The following OXR1 variants were observed in gnomAD, a reference collection of about 807,000 sequenced individuals.
The protein encoded by OXR1 is oxidation resistance protein 1.
In OXR1, 41 loss-of-function variants were observed where a neutral mutation model predicts 104.6. The ratio of observed to expected loss-of-function variants is 0.39; its 90% confidence interval spans 0.31 to 0.51. The LOEUF (loss-of-function observed/expected upper bound fraction) is 0.51. OXR1 is among the 20% of genes least tolerant of loss of function. OXR1 has a pLI of 0.77. For missense variants in OXR1, 955 were observed against 1,031.9 expected (o/e 0.93, Z 1.02); for synonymous variants, 348 against 348.4 (o/e 1.00, Z 0.01).
intron 3 of OXR1, among the ~76,000 whole-genome samples, chr8:106,555,335 G>A (rs952858950): frequency 1.2e-4 from 18 of 152,262 alleles, no homozygotes; most frequent in African/African-American, 4.1e-4. Context: ...GCATTTTAAT[G>A]TAGAGGCTCC....
intron 3 of OXR1, among the ~76,000 whole-genome samples, chr8:106,593,788 T>C (rs1013271054): frequency 6.6e-6 from 1 of 152,010 alleles, no homozygotes; most frequent in Non-Finnish European, 1.5e-5. Flanking sequence ...ATAATAATAA[T>C]AATAGATTCT....
chr8:106,714,261 A>G (rs1370633263), intron 11 of OXR1, among the ~76,000 whole-genome samples: 1 of 152,064 alleles, frequency 6.6e-6, no homozygotes, highest in Non-Finnish European at 1.5e-5. Flanking sequence ...TTTAGGAAAG[A>G]TTAACATTAT....
chr8:106,308,039 G>T (rs1205113679), intron 1 of OXR1, among the ~76,000 whole-genome samples: 1 of 151,456 alleles, frequency 6.6e-6, no homozygotes, highest in Non-Finnish European at 1.5e-5. Context: ...CACACACACA[G>T]AAATTTATTA....
At chr8:106,588,410 T>G (rs1818817107) in intron 3 of OXR1, among the ~76,000 whole-genome samples, 2 of 152,120 alleles carry the variant, frequency 1.3e-5, no homozygotes, top group South Asian at 4.1e-4. Context: ...TCTTTAATGA[T>G]CTAATGTGCC....
intron 3 of OXR1, among the ~76,000 whole-genome samples, chr8:106,554,435 G>A (rs1431584868): frequency 6.6e-6 from 1 of 152,122 alleles, no homozygotes; most frequent in African/African-American, 2.4e-5. Context: ...CAGGATCCTG[G>A]ATTGGACCCT....
At chr8:106,302,437 TA>T (rs1813276719) in intron 1 of OXR1, among the ~76,000 whole-genome samples, 3 of 151,532 alleles carry the variant, frequency 2.0e-5, no homozygotes, top group Admixed American at 2.0e-4. Context: ...AAAAAGAAAT[TA>T]AGCCCGGCGT....
rs1814977419 is a variant in OXR1, at chr8:106,541,862, A to ATTT, written c.220+22724_220+22725insTTT. On this transcript the variant is annotated intron_variant, in intron 3 of 16. Transcript: ENST00000517566. Reference sequence around the variant, plus strand: ...ACACATAAAATGAAGTAGGGATAAGATACCAACATTTTACCCAGGCCCAGT... The same window carrying ATTT: ...ACACATAAAATGAAGTAGGGATAAGATTTTACCAACATTTTACCCAGGCCCAGT... 1.3e-5 allele frequency among the ~76,000 whole-genome samples: 2 copies of ATTT among 152,218 alleles called. 1 individual carries two copies. The highest frequency in any genetic ancestry group is 1.3e-4 in the Admixed American group (2 of 15,276).
At position 106,716,327 on chromosome 8, in the gene OXR1, T is replaced by G. The variant is rs1391850061; in HGVS notation, c.1956+2342T>G. ...ATCTCAATTGAAATGAGCTGTAGTA[T>G]AAAATACACACTGGAGGCCGGGCGC... On this transcript the variant is annotated intron_variant, in intron 11 of 16. Coordinates refer to ENST00000517566, the MANE Select transcript of OXR1 (RefSeq NM_001198533.2). 2.1e-5 allele frequency among the ~76,000 whole-genome samples: 3 copies of G among 145,598 alleles called. 1 individual carries two copies. Among genetic ancestry groups the G allele is most frequent in the African/African-American group, 5.2e-5 (2 of 38,216 alleles).
chr8:106,658,259 G>T (rs1287303583), intron 3 of OXR1: 4 of 1,225,594 alleles, frequency 3.3e-6, no homozygotes, highest in Admixed American at 4.3e-5. Context: ...CGGTCGTGGC[G>T]CCGGGCGGGG....
At chr8:106,736,156 T>C (rs2131549235) in intron 11 of OXR1, among the ~76,000 whole-genome samples, 1 of 121,842 alleles carries the variant, frequency 8.2e-6, no homozygotes, top group Admixed American at 8.0e-5. Flanking sequence ...GAACCCAGGT[T>C]TATCTGACAC....
chr8:106,658,137 G>C (rs1211825396), intron 3 of OXR1: 3 of 1,246,072 alleles, frequency 2.4e-6, no homozygotes, highest in Non-Finnish European at 3.0e-6. Context: ...CCTCGGGTGC[G>C]GGTCCCCGCC....
intron 7 of OXR1, among the ~76,000 whole-genome samples, chr8:106,702,376 G>A (rs1226061904): frequency 1.3e-5 from 2 of 152,254 alleles, no homozygotes; most frequent in South Asian, 4.1e-4. Context: ...TACAGATGAA[G>A]AAATAAGCCC....
chr8:106,718,513 G>GT (rs1832487246), intron 11 of OXR1, among the ~76,000 whole-genome samples: 2 of 152,132 alleles, frequency 1.3e-5, no homozygotes, highest in Admixed American at 1.3e-4. Flanking sequence ...TCCTCTTTTT[G>GT]TAGTGTTACT....
At chr8:106,653,911 T>G (rs1824836809) in intron 3 of OXR1, among the ~76,000 whole-genome samples, 1 of 151,970 alleles carries the variant, frequency 6.6e-6, no homozygotes, top group Non-Finnish European at 1.5e-5. Flanking sequence ...AGAACAGTAT[T>G]CAAAAATCAA....
intron 8 of OXR1, 124 bp downstream of exon 8, chr8:106,703,214 G>A (rs188530122): frequency 5.1e-4 from 302 of 588,888 alleles, no homozygotes; most frequent in Admixed American, 1.1e-3. Flanking sequence ...ATAATGAAAC[G>A]AAAATATATG....
intron 9 of OXR1, among the ~76,000 whole-genome samples, chr8:106,709,402 T>A (rs1054938593): frequency 1.3e-5 from 2 of 152,142 alleles, no homozygotes; most frequent in African/African-American, 2.4e-5. Flanking sequence ...TGTTAAGACA[T>A]TTTAAAGAAT....
chr8:106,278,664 CCCT>C (rs2130486524), intron 1 of OXR1, among the ~76,000 whole-genome samples: 1 of 152,204 alleles, frequency 6.6e-6, no homozygotes, highest in African/African-American at 2.4e-5. Context: ...TTATTTTTCA[CCCT>C]TTGCGTAGAT....
intron 1 of OXR1, among the ~76,000 whole-genome samples, chr8:106,350,936 AAC>A (rs1815698221): frequency 6.6e-6 from 1 of 152,212 alleles, no homozygotes; most frequent in Non-Finnish European, 1.5e-5. Flanking sequence ...TGAGGGGCAA[AAC>A]AGATTTGAAA....
In OXR1 at chr8:106,270,273, G is replaced by C. The variant is rs916974646; in HGVS notation, c.-233G>C. On this transcript the variant is annotated 5_prime_UTR_variant, in exon 1 of 17. Transcript: ENST00000517566. ...CACCTCGCGGCCACAGGAGCTCAGC[G>C]CCGGCGCCGCGCCGCCCAGCCCCGC... 3 of 151,832 alleles carry C rather than the reference G, an allele frequency of 2.0e-5. No individual in the cohort carries two copies. The highest frequency in any genetic ancestry group is 4.8e-5 in the African/African-American group (2 of 41,382). 9.4% of individuals were successfully genotyped at this position (151,832 alleles called of 1,614,324 possible).
Sources: allele counts gnomAD v4.1 joint callset (sites outside exome capture counted in the v4.1 genomes callset), GRCh38; gene constraint gnomAD v4.1.1; transcripts MANE v1.5; gene names NCBI Gene and HGNC (gene_info 2026-07-23, HGNC 2026-07-21).